Variants in CCDC144A observed in about 807,000 individuals in gnomAD.
CCDC144A encodes coiled-coil domain-containing protein 144A.
Under a neutral mutation model 143.8 loss-of-function variants are expected in CCDC144A, and 41 were observed. The observed-to-expected ratio is 0.29, with a 90% CI of 0.22 to 0.37. CCDC144A has a LOEUF of 0.37. Among genes scored for constraint, CCDC144A ranks in the 10% least tolerant of loss-of-function variants. CCDC144A has a pLI of 1.00. For missense variants in CCDC144A, 637 were observed against 1,488.8 expected (o/e 0.43, Z 9.41); for synonymous variants, 242 against 517.9 (o/e 0.47, Z 7.23).
intron 12 of CCDC144A, among the ~76,000 whole-genome samples, chr17:16,747,527 A>G (rs896251037): frequency 4.2e-4 from 64 of 152,270 alleles, no homozygotes; most frequent in Admixed American, 1.2e-3. Flanking sequence ...TTTTAATGCT[A>G]TTGATTTTTC....
chr17:16,718,032 G>A (rs1330623485), intron 6 of CCDC144A, among the ~76,000 whole-genome samples: 1 of 152,034 alleles, frequency 6.6e-6, no homozygotes, highest in African/African-American at 2.4e-5. Flanking sequence ...AAATGTATAA[G>A]TTCTTTATTT....
chr17:16,753,238 C>T (rs2649352), intron 12 of CCDC144A, among the ~76,000 whole-genome samples: 354 of 147,324 alleles, frequency 2.4e-3, no homozygotes, highest in African/African-American at 7.4e-3. Context: ...AGAGAGGCAT[C>T]TCCTGGCTGC....
Position 16,773,871 on chromosome 17 carries a change from A to T in CCDC144A, c.*238A>T. ...GAACTGCCCAAATGTTTGCTGTTTA[A>T]ACAGCCAAATAATCAAGTTGCCATT... On this transcript the variant is annotated 3_prime_UTR_variant, in exon 17 of 17. Coordinates refer to ENST00000399273, the MANE Select transcript of CCDC144A (RefSeq NM_001382000.1). The T allele has an allele frequency of 2.4e-6, 1 of 408,494 alleles. No individual in the cohort carries two copies. The allele number at this position is 408,494 out of a possible 1,614,324, so 25.3% of individuals were successfully genotyped here. A position where few individuals can be genotyped will look rare whatever the true frequency, so the allele number is the denominator to read the frequency against.
rs143480780 is a variant in CCDC144A, at chr17:16,736,438, A to G, written c.3372+795A>G. On this transcript the variant is annotated intron_variant, in intron 12 of 16. Coordinates refer to ENST00000399273, the MANE Select transcript of CCDC144A (RefSeq NM_001382000.1). ...AAAGGCATTTACTTTTTATTAAATCATAATTTGGGACAGATGTGAATTTCA... is the reference window on the plus strand; with the variant it reads ...AAAGGCATTTACTTTTTATTAAATCGTAATTTGGGACAGATGTGAATTTCA... Among the ~76,000 whole-genome samples, 903 of 152,092 alleles carry G rather than the reference A, an allele frequency of 5.9e-3. 11 individuals are homozygous for G. The highest frequency in any genetic ancestry group is 7.5e-3 in the Non-Finnish European group (509 of 67,980).
chr17:16,734,143 A>G (rs1913887217), intron 11 of CCDC144A, among the ~76,000 whole-genome samples: 2 of 77,610 alleles, frequency 2.6e-5, no homozygotes, highest in Admixed American at 1.2e-4. Context: ...CCTATCTCGA[A>G]AAAAAAAAAA....
rs1032923142 is a variant in CCDC144A, at chr17:16,771,875, G to C, written c.4099-102G>C. 1.8e-5 allele frequency: 16 copies of C among 910,712 alleles called. No homozygotes were observed. The Admixed American group carries it at 4.2e-4, about 24-fold the overall frequency. The allele number at this position is 910,712 out of a possible 1,614,324, so 56.4% of individuals were successfully genotyped here. ...TTAAGCAATCTTCAAGTTAGGTCTAGTCTGTAAAAGTATTATTTAAAGGCC... is the reference window on the plus strand; with the variant it reads ...TTAAGCAATCTTCAAGTTAGGTCTACTCTGTAAAAGTATTATTTAAAGGCC... On this transcript the variant is annotated intron_variant, in intron 15 of 16. Transcript: ENST00000399273.
chr17:16,744,501 T>A (rs1381150310), intron 12 of CCDC144A, among the ~76,000 whole-genome samples: 1 of 152,214 alleles, frequency 6.6e-6, no homozygotes, highest in Non-Finnish European at 1.5e-5. Context: ...TCCACTTTTA[T>A]GTCTTTTTTG....
chr17:16,746,352 G>C, intron 12 of CCDC144A: 2 of 1,044,808 alleles, frequency 1.9e-6, no homozygotes, highest in Admixed American at 2.6e-5. Context: ...TCTCTCCTCC[G>C]TTCTTCTCGC....
chr17:16,741,829 T>A (rs2143277337), intron 12 of CCDC144A, among the ~76,000 whole-genome samples: 1 of 152,322 alleles, frequency 6.6e-6, no homozygotes, highest in South Asian at 2.1e-4. Flanking sequence ...AAACAATGCA[T>A]AATGGTCAAA....
intron 2 of CCDC144A, among the ~76,000 whole-genome samples, chr17:16,698,643 G>T (rs1284978895): frequency 6.6e-6 from 1 of 152,040 alleles, no homozygotes; most frequent in Non-Finnish European, 1.5e-5. Flanking sequence ...ATGCTTGTTT[G>T]GTACTCAAGT....
In CCDC144A at chr17:16,732,667, G is replaced by T. The variant is rs1224639696; in HGVS notation, c.2418+1G>T. ...GGCTCGAAAGAAAATGAATTCTGAG[G>T]TATTTTCTTTAGTCATTTTCAAATA... On this transcript the variant is annotated splice_donor_variant, in intron 11 of 16. Coordinates refer to ENST00000399273, the MANE Select transcript of CCDC144A (RefSeq NM_001382000.1). LOFTEE classifies it high-confidence loss of function. 12 of 1,573,442 alleles carry T rather than the reference G, an allele frequency of 7.6e-6. No individual in the cohort carries two copies. Among genetic ancestry groups the T allele is most frequent in the Middle Eastern group, 1.7e-4 (1 of 5,860 alleles).
intron 2 of CCDC144A, among the ~76,000 whole-genome samples, chr17:16,696,832 A>G (rs1311695868): frequency 2.6e-5 from 4 of 151,822 alleles, no homozygotes; most frequent in Non-Finnish European, 5.9e-5. Flanking sequence ...GTCTGTTTTC[A>G]TGGCTGACTA....
At chr17:16,746,152 C>T in intron 12 of CCDC144A, 7 of 1,561,158 alleles carry the variant, frequency 4.5e-6, no homozygotes, top group South Asian at 3.5e-5. Flanking sequence ...GTATCAATCT[C>T]CTCTCCTCTT....
chr17:16,695,064 A>T (rs1002454633), intron 2 of CCDC144A, among the ~76,000 whole-genome samples: 3 of 152,346 alleles, frequency 2.0e-5, no homozygotes, highest in Admixed American at 2.0e-4. Flanking sequence ...TAATCAAAGA[A>T]CTTCTCTAAG....
intron 12 of CCDC144A, chr17:16,745,726 C>T (rs1160707714): frequency 1.3e-5 from 21 of 1,613,938 alleles, no homozygotes; most frequent in Non-Finnish European, 1.6e-5. Flanking sequence ...CGGAAGTGAG[C>T]TCCTGGATCA....
At position 16,720,213 on chromosome 17, in the gene CCDC144A, A is replaced by G. The variant is rs753904606; in HGVS notation, c.1731A>G (p.Thr577=). 5 of 1,520,406 alleles carry G rather than the reference A, an allele frequency of 3.3e-6. No individual in the cohort carries two copies. The South Asian group carries it at 6.5e-5, about 20-fold the overall frequency. 94.2% of individuals were successfully genotyped at this position (1,520,406 alleles called of 1,614,324 possible). Residue 577 remains threonine, a synonymous_variant, in exon 7 of 17, where the codon ACA becomes ACG. Transcript: ENST00000399273. ...TTTTTTTCAGGCCTGCAGATAAAACATCTAATGAAAAGAACGAGGTATTGT... is the reference window on the plus strand; with the variant it reads ...TTTTTTTCAGGCCTGCAGATAAAACGTCTAATGAAAAGAACGAGGTATTGT... ...NGEHDRPADK[T]SNEKNEVKNQ...
intron 12 of CCDC144A, among the ~76,000 whole-genome samples, chr17:16,737,933 G>A (rs968758620): frequency 2.0e-5 from 3 of 151,318 alleles, no homozygotes; most frequent in African/African-American, 7.4e-5. Context: ...GAATTATTCA[G>A]TATTCCTCAC....
chr17:16,704,268 C>T (rs1315244226), intron 2 of CCDC144A, among the ~76,000 whole-genome samples: 1 of 152,018 alleles, frequency 6.6e-6, no homozygotes, highest in Admixed American at 6.6e-5. Flanking sequence ...TCCTGGCTAA[C>T]GCGGTGAAAC....
chr17:16,678,714 G>A, the CCDC144A span, among the ~76,000 whole-genome samples: 3 of 148,268 alleles, frequency 2.0e-5, no homozygotes, highest in African/African-American at 7.5e-5. Context: ...CCAAGTAGCT[G>A]GGACTATAGG....
Sources: allele counts gnomAD v4.1 joint callset (sites outside exome capture counted in the v4.1 genomes callset), GRCh38; gene constraint gnomAD v4.1.1; transcripts MANE v1.5; gene names NCBI Gene and HGNC (gene_info 2026-07-23, HGNC 2026-07-21).